Variants in GALNTL6 observed in about 807,000 individuals in gnomAD.
GALNTL6 encodes polypeptide N-acetylgalactosaminyltransferase-like 6.
A neutral mutation model predicts 73.7 loss-of-function variants in GALNTL6; 46 were observed. That is an observed-to-expected ratio of 0.62 (90% CI 0.49 to 0.80). The LOEUF is 0.80. Among genes scored for constraint, GALNTL6 ranks in the 30% least tolerant of loss-of-function variants. GALNTL6 has a pLI of 0.00. For synonymous variants in GALNTL6, 259 were observed against 263.7 expected (o/e 0.98, Z 0.17); for missense variants, 604 against 755.0 (o/e 0.80, Z 2.34).
intron 3 of GALNTL6, among the ~76,000 whole-genome samples, chr4:172,254,410 T>C (rs896065411): frequency 6.6e-6 from 1 of 151,850 alleles, no homozygotes; most frequent in Non-Finnish European, 1.5e-5. Flanking sequence ...CGTTTTGCTT[T>C]GTTTTCTGCA....
At chr4:172,521,637 T>C (rs1734777550) in intron 5 of GALNTL6, among the ~76,000 whole-genome samples, 1 of 152,184 alleles carries the variant, frequency 6.6e-6, no homozygotes, top group Admixed American at 6.5e-5. Context: ...GATAATATCA[T>C]GTAATTTTAG....
At chr4:172,131,246 G>A (rs910303357) in intron 2 of GALNTL6, among the ~76,000 whole-genome samples, 3 of 151,026 alleles carry the variant, frequency 2.0e-5, no homozygotes, top group South Asian at 2.1e-4. Context: ...AAACAAATAC[G>A]AAATCTCTTC....
At chr4:172,963,064 T>C (rs1750156227) in intron 10 of GALNTL6, among the ~76,000 whole-genome samples, 1 of 152,108 alleles carries the variant, frequency 6.6e-6, no homozygotes, top group Non-Finnish European at 1.5e-5. Flanking sequence ...ACCCCTGTTG[T>C]GTCCCCTCCA....
chr4:172,662,629 T>G (rs548208494), intron 5 of GALNTL6, among the ~76,000 whole-genome samples: 1 of 152,328 alleles, frequency 6.6e-6, no homozygotes, highest in East Asian at 1.9e-4. Context: ...TCCTGCCTAA[T>G]TGGTATACTC....
chr4:172,709,488 T>C (rs541580549), intron 5 of GALNTL6, among the ~76,000 whole-genome samples: 1 of 152,228 alleles, frequency 6.6e-6, no homozygotes, highest in East Asian at 1.9e-4. Context: ...AAGGGTCCTG[T>C]AGGAGAAACA....
chr4:172,171,519 C>A (rs1734825339), intron 2 of GALNTL6, among the ~76,000 whole-genome samples: 1 of 151,978 alleles, frequency 6.6e-6, no homozygotes, highest in East Asian at 1.9e-4. Flanking sequence ...TGCTAGGCAC[C>A]AGTCAACTCA....
At chr4:172,284,819 G>C (rs1056312806) in intron 3 of GALNTL6, among the ~76,000 whole-genome samples, 1 of 152,082 alleles carries the variant, frequency 6.6e-6, no homozygotes, top group African/African-American at 2.4e-5. Flanking sequence ...TTACTTCTGG[G>C]TTCTCTATTC....
intron 2 of GALNTL6, among the ~76,000 whole-genome samples, chr4:172,097,323 C>G (rs1467654265): frequency 6.6e-6 from 1 of 152,144 alleles, no homozygotes; most frequent in East Asian, 1.9e-4. Flanking sequence ...AGGGGCTTTT[C>G]ATATGTTAGA....
At chr4:171,938,079 T>C (rs1212078154) in intron 2 of GALNTL6, among the ~76,000 whole-genome samples, 2 of 152,184 alleles carry the variant, frequency 1.3e-5, no homozygotes, top group African/African-American at 4.8e-5. Context: ...ACACCAAAGA[T>C]GTTTAGGAAC....
intron 10 of GALNTL6, among the ~76,000 whole-genome samples, chr4:172,984,568 C>T (rs890099228): frequency 6.6e-6 from 1 of 152,102 alleles, no homozygotes; most frequent in East Asian, 1.9e-4. Flanking sequence ...TCATCAGATT[C>T]TCAAAAAGAG....
chr4:172,979,269 A>AT (rs759487964), intron 10 of GALNTL6, among the ~76,000 whole-genome samples: 9 of 152,338 alleles, frequency 5.9e-5, no homozygotes, highest in Non-Finnish European at 1.3e-4. Flanking sequence ...AAAGTACCCC[A>AT]TATCTAAAAG....
At chr4:172,579,657 G>A (rs564323838) in intron 5 of GALNTL6, among the ~76,000 whole-genome samples, 1 of 152,214 alleles carries the variant, frequency 6.6e-6, no homozygotes, top group East Asian at 1.9e-4. Flanking sequence ...CTTAGAACCT[G>A]GTTTGTAAAT....
At chr4:171,936,656 C>T (rs1473676614) in intron 2 of GALNTL6, among the ~76,000 whole-genome samples, 1 of 151,980 alleles carries the variant, frequency 6.6e-6, no homozygotes, top group Admixed American at 6.6e-5. Context: ...TTGTTGGAAA[C>T]CAAGACAAAT....
At chr4:172,585,190 G>C (rs1343756898) in intron 5 of GALNTL6, among the ~76,000 whole-genome samples, 1 of 151,732 alleles carries the variant, frequency 6.6e-6, no homozygotes, top group African/African-American at 2.4e-5. Flanking sequence ...TGTATTATCT[G>C]TTTTATATCC....
chr4:172,176,111 G>A (rs1194169366), intron 2 of GALNTL6, among the ~76,000 whole-genome samples: 1 of 151,838 alleles, frequency 6.6e-6, no homozygotes, highest in Non-Finnish European at 1.5e-5. Context: ...AGGCCGAGGT[G>A]GGCGGATCAC....
chr4:172,813,097 G>A (rs1339565571), intron 6 of GALNTL6, among the ~76,000 whole-genome samples: 1 of 152,170 alleles, frequency 6.6e-6, no homozygotes, highest in Non-Finnish European at 1.5e-5. Flanking sequence ...GAAATTAGAT[G>A]CTACAAAAAC....
chr4:172,739,506 A>T (rs1416387030), intron 5 of GALNTL6, among the ~76,000 whole-genome samples: 2 of 152,176 alleles, frequency 1.3e-5, no homozygotes, highest in Non-Finnish European at 2.9e-5. Context: ...TTTTTAGCCT[A>T]TTAAATAAAA....
chr4:172,031,847 A>G (rs1381121577), intron 2 of GALNTL6, among the ~76,000 whole-genome samples: 2 of 152,076 alleles, frequency 1.3e-5, no homozygotes, highest in African/African-American at 4.8e-5. Flanking sequence ...CCACAGATGG[A>G]TGTTTATATT....
Position 172,809,301 on chromosome 4 carries a change from A to G in GALNTL6, c.554-60A>G. The G allele has an allele frequency of 7.3e-7, 1 of 1,365,946 alleles. No homozygotes were observed. The highest frequency in any genetic ancestry group is 1.4e-5 in the African/African-American group (1 of 69,964). The allele number at this position is 1,365,946 out of a possible 1,614,324, so 84.6% of individuals were successfully genotyped here. A position where few individuals can be genotyped will look rare whatever the true frequency, so the allele number is the denominator to read the frequency against. Reference sequence around the variant, plus strand: ...ACTCTCTATGCACAAACAACCGTGAATAATTCAGCTGCAACTAATGTTTTG... The same window carrying G: ...ACTCTCTATGCACAAACAACCGTGAGTAATTCAGCTGCAACTAATGTTTTG... On this transcript the variant is annotated intron_variant, in intron 5 of 12. Transcript: ENST00000506823. The surrounding 1 kb of genome is among the most constrained non-coding windows in gnomAD (Gnocchi z 4.4).
Sources: gnomAD v4.1 joint callset for allele counts (sites outside exome capture counted in the v4.1 genomes callset) on GRCh38, gnomAD v4.1.1 for gene constraint, Gnocchi (gnomAD v3.1) non-coding constraint, MANE v1.5 for transcripts, NCBI Gene and HGNC (gene_info 2026-07-23, HGNC 2026-07-21) for gene names.